The following PPP4R1 variants were observed in gnomAD, a reference collection of about 807,000 sequenced individuals.
PPP4R1 encodes protein phosphatase 4 regulatory subunit 1.
PPP4R1 carries 42 observed loss-of-function variants against 111.2 expected under a neutral mutation model. That is an observed-to-expected ratio of 0.38 (90% confidence interval 0.29 to 0.49). PPP4R1 has a LOEUF of 0.49. Among genes scored for constraint, PPP4R1 ranks in the 20% least tolerant of loss-of-function variants. The probability of loss-of-function intolerance (pLI) is 0.97; values close to 1 mark genes in which losing one functional copy is unlikely to be tolerated. For synonymous variants in PPP4R1, 409 were observed against 405.5 expected (o/e 1.01, Z -0.10); for missense variants, 1,012 against 1,161.6 (o/e 0.87, Z 1.87).
chr18:9,588,168 A>G lies in PPP4R1; in HGVS notation c.506T>C (p.Val169Ala). 1 of 1,614,166 alleles carries G rather than the reference A, an allele frequency of 6.2e-7. No individual in the cohort carries two copies. Among genetic ancestry groups the G allele is most frequent in the Non-Finnish European group, 8.5e-7 (1 of 1,180,012 alleles). Residue 169 changes from valine to alanine, a missense_variant, in exon 6 of 20, where the codon GTG becomes GCG. Physicochemically the swap from Val to Ala is moderately conservative, Grantham distance 64. Around this residue, in one of 2 missense-constraint regions of PPP4R1, gnomAD observed 707 missense variants for 742.1 expected, o/e 0.95. Coordinates refer to ENST00000400556, the MANE Select transcript of PPP4R1 (RefSeq NM_001042388.3). Reference sequence around the variant, plus strand: ...GAGGACAGGGCACACTTTGGTCTCCACATCAAATCGTTCAATGAGCTCCTG... The same window carrying G: ...GAGGACAGGGCACACTTTGGTCTCCGCATCAAATCGTTCAATGAGCTCCTG... ...LEQELIERFDVETKVCPVLIE... is the reference protein window; with the variant it reads ...LEQELIERFDAETKVCPVLIE...
intron 11 of PPP4R1, among the ~76,000 whole-genome samples, chr18:9,564,714 G>T: frequency 1.9e-5 from 1 of 52,102 alleles, no homozygotes; most frequent in Non-Finnish European, 4.3e-5. Context: ...GTGTGTGTGT[G>T]TGTGTGTGTG....
intron 13 of PPP4R1, among the ~76,000 whole-genome samples, chr18:9,559,930 C>T (rs943405934): frequency 1.3e-5 from 2 of 152,108 alleles, no homozygotes; most frequent in African/African-American, 4.8e-5. Context: ...GCAGAGATGA[C>T]AATGTTTGTT....
chr18:9,600,735 G>C (rs1388051548), intron 2 of PPP4R1, among the ~76,000 whole-genome samples: 1 of 152,052 alleles, frequency 6.6e-6, no homozygotes, highest in Non-Finnish European at 1.5e-5. Context: ...AAAAATATTA[G>C]CTGGGGGTGG....
At chr18:9,569,311 T>C (rs1255193471) in intron 11 of PPP4R1, among the ~76,000 whole-genome samples, 4 of 152,162 alleles carry the variant, frequency 2.6e-5, no homozygotes, top group South Asian at 2.1e-4. Context: ...ACGTTAAACA[T>C]TTATCAAAAG....
chr18:9,557,575 T>A (rs1344526866), intron 14 of PPP4R1, among the ~76,000 whole-genome samples, 193 bp from the exon 15 acceptor site: 2 of 152,242 alleles, frequency 1.3e-5, no homozygotes, highest in Non-Finnish European at 2.9e-5. Context: ...AATCCCTGCC[T>A]AGTACGTATT....
chr18:9,560,260 G>A (rs1436136691), intron 13 of PPP4R1, among the ~76,000 whole-genome samples: 4 of 152,156 alleles, frequency 2.6e-5, no homozygotes, highest in South Asian at 2.1e-4. Flanking sequence ...CAGCCTGGGC[G>A]ACAGAGTGAG....
rs575990467 is a variant in PPP4R1, at chr18:9,572,215, G to A, written c.1047-1532C>T. Among the ~76,000 whole-genome samples, 114 of 152,272 alleles carry A rather than the reference G, an allele frequency of 7.5e-4. 1 individual carries two copies. The highest frequency in any genetic ancestry group is 2.3e-3 in the African/African-American group (97 of 41,558). On this transcript the variant is annotated intron_variant, in intron 10 of 19. Transcript: ENST00000400556. ...GGTAAAGACTGAGACAGAGGTGGAG[G>A]TCATCAACTCAGAAAGATGTGTGGG...
chr18:9,565,578 AAAG>A (rs1161848420), intron 11 of PPP4R1, among the ~76,000 whole-genome samples: 13 of 152,274 alleles, frequency 8.5e-5, no homozygotes, highest in African/African-American at 1.9e-4. Context: ...GTGAACACAC[AAAG>A]AAGAAGGAAC....
intron 13 of PPP4R1, among the ~76,000 whole-genome samples, chr18:9,560,336 G>C (rs558038909): frequency 1.4e-3 from 206 of 152,174 alleles, no homozygotes; most frequent in African/African-American, 4.8e-3. Flanking sequence ...ATTATTTCTA[G>C]AAAATTGAAG....
chr18:9,590,957 A>C (rs2067201273), intron 4 of PPP4R1, among the ~76,000 whole-genome samples: 1 of 152,212 alleles, frequency 6.6e-6, no homozygotes, highest in South Asian at 2.1e-4. Context: ...TCTTTAATAC[A>C]CATAAATGAC....
intron 11 of PPP4R1, among the ~76,000 whole-genome samples, chr18:9,565,597 C>T (rs1462145018): frequency 6.6e-6 from 1 of 152,220 alleles, no homozygotes; most frequent in Non-Finnish European, 1.5e-5. Context: ...GGAACAACAA[C>T]ATTATTGCTG....
intron 4 of PPP4R1, among the ~76,000 whole-genome samples, chr18:9,593,213 G>C (rs1354321089): frequency 1.3e-5 from 2 of 152,046 alleles, no homozygotes; most frequent in Non-Finnish European, 2.9e-5. Flanking sequence ...ATAGTTTTAT[G>C]TGTTAAGTTT....
At chr18:9,595,728 C>T (rs2067280099) in intron 2 of PPP4R1, among the ~76,000 whole-genome samples, 1 of 152,052 alleles carries the variant, frequency 6.6e-6, no homozygotes, top group African/African-American at 2.4e-5. Context: ...TTAAAATGAT[C>T]ATTGTAATAA....
Position 9,590,340 on chromosome 18 carries a change from G to A in PPP4R1, c.296-1487C>T, listed in dbSNP as rs550466756. Among the ~76,000 whole-genome samples the A allele has an allele frequency of 3.3e-5, 5 of 152,292 alleles. No individual in the cohort carries two copies. In the South Asian group the frequency reaches 1.0e-3, roughly 32 times the overall value. ...CTATTATACTGTTGTACCATGTGAA[G>A]TTGGCCAGATATGAACAAAATAGAG... On this transcript the variant is annotated intron_variant, in intron 4 of 19. Transcript: ENST00000400556.
chr18:9,554,408 T>C (rs1329095191), intron 15 of PPP4R1, among the ~76,000 whole-genome samples: 5 of 152,006 alleles, frequency 3.3e-5, no homozygotes, highest in East Asian at 1.9e-4. Flanking sequence ...GGATTACAGG[T>C]GTGAGCCACT....
In PPP4R1 at chr18:9,550,060, C is replaced by G; in HGVS notation, c.2539G>C (p.Val847Leu). 6.2e-7 allele frequency: 1 copy of G among 1,614,192 alleles called. No homozygotes were observed. The highest frequency in any genetic ancestry group is 1.3e-5 in the African/African-American group (1 of 75,046). Residue 847 changes from valine to leucine, a missense_variant, in exon 18 of 20, where the codon GTC (valine) becomes CTC (leucine). Physicochemically the swap from Val to Leu is conservative, Grantham distance 32. Coordinates refer to ENST00000400556, the MANE Select transcript of PPP4R1 (RefSeq NM_001042388.3). ...KWSGRQAFVF[V>L]CQTVIEDDCL... ...CCCAGGGCCTCGCTTACCTGGCAGA[C>G]AAAGACAAAGGCTTGCCGACCAGAC...
intron 15 of PPP4R1, among the ~76,000 whole-genome samples, chr18:9,556,485 G>C (rs1431898885): frequency 6.6e-6 from 1 of 152,118 alleles, no homozygotes; most frequent in African/African-American, 2.4e-5. Flanking sequence ...GAGCCACTGT[G>C]CCCAGCCTCA....
intron 18 of PPP4R1, chr18:9,549,824 C>A: frequency 1.6e-6 from 1 of 613,314 alleles, no homozygotes; most frequent in East Asian, 2.8e-5. Context: ...ACAGCAGGCA[C>A]GTGGGGTGTG....
At chr18:9,574,202 C>T (rs189800217) in intron 10 of PPP4R1, among the ~76,000 whole-genome samples, 1 of 152,142 alleles carries the variant, frequency 6.6e-6, no homozygotes, top group East Asian at 1.9e-4. Flanking sequence ...ATCAAGAGCA[C>T]CAGAGGACAG....
Sources: allele counts gnomAD v4.1 joint callset (sites outside exome capture counted in the v4.1 genomes callset), GRCh38; gene constraint gnomAD v4.1.1; regional missense constraint gnomAD v4.1.1; transcripts MANE v1.5; gene names NCBI Gene and HGNC (gene_info 2026-07-23, HGNC 2026-07-21).